The following MDFIC variants were observed in gnomAD, a reference collection of about 807,000 sequenced individuals.
MDFIC encodes the protein myoD family inhibitor domain-containing protein.
A neutral mutation model predicts 23.2 loss-of-function variants in MDFIC; 17 were observed. The ratio of observed to expected loss-of-function variants is 0.73; its 90% confidence interval spans 0.50 to 1.10. MDFIC has a LOEUF of 1.10. Among genes scored for constraint, MDFIC ranks in the 50% least tolerant of loss-of-function variants. The probability of loss-of-function intolerance (pLI) is 0.00; values close to 1 mark genes in which losing one functional copy is unlikely to be tolerated. For missense variants in MDFIC, 356 were observed against 316.6 expected (o/e 1.12, Z -0.95); for synonymous variants, 120 against 115.2 (o/e 1.04, Z -0.27).
In MDFIC at chr7:114,922,435, G is replaced by T; in HGVS notation, c.-309G>T. 1 of 1,241,990 alleles carries T rather than the reference G, an allele frequency of 8.1e-7. No individual in the cohort carries two copies. Among genetic ancestry groups the T allele is most frequent in the East Asian group, 3.2e-5 (1 of 31,700 alleles). The allele number at this position is 1,241,990 out of a possible 1,614,324, so 76.9% of individuals were successfully genotyped here. ...GGGCGGAGTGCGCGGAGTCAGAGCC[G>T]CCACCGCTGCCGCAGTTGCCGCCAC... On this transcript the variant is annotated 5_prime_UTR_variant, in exon 1 of 5. Transcript: ENST00000393486.
At chr7:114,924,006 AT>A (rs1005291016) in intron 2 of MDFIC, among the ~76,000 whole-genome samples, 65 of 152,218 alleles carry the variant, frequency 4.3e-4, no homozygotes, top group African/African-American at 1.4e-3. Flanking sequence ...AATCTTAGGG[AT>A]TTTTTTTAAG....
chr7:114,982,147 G>A (rs1793428253), intron 4 of MDFIC, among the ~76,000 whole-genome samples: 1 of 152,146 alleles, frequency 6.6e-6, no homozygotes, highest in Non-Finnish European at 1.5e-5. Context: ...TATAGAATAT[G>A]TGATCTCTTG....
chr7:114,925,540 T>C (rs1792172731), intron 2 of MDFIC, among the ~76,000 whole-genome samples: 1 of 152,186 alleles, frequency 6.6e-6, no homozygotes, highest in African/African-American at 2.4e-5. Context: ...TTACAAATCT[T>C]TCCCATGTGT....
intron 3 of MDFIC, among the ~76,000 whole-genome samples, chr7:114,977,303 G>A (rs555233989): frequency 2.0e-5 from 3 of 152,166 alleles, no homozygotes; most frequent in African/African-American, 7.2e-5. Flanking sequence ...AAATTTATTA[G>A]CAGCACATAG....
chr7:114,985,442 A>G (rs943599326), intron 4 of MDFIC, among the ~76,000 whole-genome samples: 9 of 152,106 alleles, frequency 5.9e-5, no homozygotes, highest in Non-Finnish European at 1.2e-4. Context: ...ATTCAAGGCC[A>G]AAGGATTTTG....
Position 115,015,908 on chromosome 7 carries a change from A to G in MDFIC, c.714A>G (p.Glu238=), listed in dbSNP as rs962674968. Residue 238 remains glutamate (E), a synonymous_variant, in exon 5 of 5, where the codon GAA becomes GAG. Transcript: ENST00000393486. Reference sequence around the variant, plus strand: ...CAGACTGCTTGGAAATCTGTATGGAATGCTGTGGAATTTGTTTTCCTTCAT... The same window carrying G: ...CAGACTGCTTGGAAATCTGTATGGAGTGCTGTGGAATTTGTTTTCCTTCAT... ...ESSDCLEICM[E]CCGICFPS The G allele has an allele frequency of 5.0e-6, 8 of 1,613,210 alleles. No homozygotes were observed. The highest frequency in any genetic ancestry group is 6.8e-6 in the Non-Finnish European group (8 of 1,179,394).
chr7:114,933,415 T>G (rs1345300158), intron 2 of MDFIC, among the ~76,000 whole-genome samples: 1 of 152,144 alleles, frequency 6.6e-6, no homozygotes, highest in African/African-American at 2.4e-5. Context: ...TGGGCCACCA[T>G]GCCCAGCTAA....
chr7:114,925,701 A>G (rs1792177393), intron 2 of MDFIC, among the ~76,000 whole-genome samples: 1 of 152,152 alleles, frequency 6.6e-6, no homozygotes, highest in Non-Finnish European at 1.5e-5. Flanking sequence ...AGTTTTAGCT[A>G]ATTGTTGCCA....
chr7:114,950,914 C>T (rs1792756495), intron 3 of MDFIC, among the ~76,000 whole-genome samples: 1 of 152,096 alleles, frequency 6.6e-6, no homozygotes, highest in Non-Finnish European at 1.5e-5. Flanking sequence ...TGGCTCACAC[C>T]TGTAATCCCA....
intron 4 of MDFIC, among the ~76,000 whole-genome samples, chr7:115,001,587 C>T (rs1248599547): frequency 6.6e-6 from 1 of 152,068 alleles, no homozygotes; most frequent in African/African-American, 2.4e-5. Context: ...AACCAAAAGC[C>T]ATCATTACCT....
intron 3 of MDFIC, among the ~76,000 whole-genome samples, chr7:114,947,331 TTC>T (rs1488065742): frequency 3.3e-5 from 5 of 152,158 alleles, no homozygotes; most frequent in Non-Finnish European, 7.4e-5. Flanking sequence ...CTCAGAAAAA[TTC>T]TCTTTTTATT....
chr7:114,922,723 C>T (rs1345142546), intron 1 of MDFIC, 87 bp downstream of exon 1: 2 of 1,359,610 alleles, frequency 1.5e-6, no homozygotes, highest in Non-Finnish European at 1.9e-6. Context: ...TTTCCAGCCC[C>T]TCCCCGCTGG....
At chr7:114,994,277 C>CAAGACCCAATACAAG (rs757809803) in intron 4 of MDFIC, among the ~76,000 whole-genome samples, 3,863 of 152,250 alleles carry the variant, frequency 0.025, 74 homozygotes, top group Non-Finnish European at 0.04. Context: ...GAATACAACA[C>CAAGACCCAATACAAG]ACTGTTGGGT....
Position 115,017,862 on chromosome 7 carries a change from A to G in MDFIC, c.*1927A>G, listed in dbSNP as rs1246242115. On this transcript the variant is annotated 3_prime_UTR_variant, in exon 5 of 5. Transcript: ENST00000393486. ...ATAGTAACAACAGAAGCATAATTTT[A>G]GGAAGGCTTTCGCAAACCTAGCCTT... The G allele has an allele frequency of 6.6e-6, 1 of 152,066 alleles. No individual in the cohort carries two copies. Among genetic ancestry groups the G allele is most frequent in the Non-Finnish European group, 1.5e-5 (1 of 67,898 alleles). The allele number at this position is 152,066 out of a possible 1,614,324, so 9.4% of individuals were successfully genotyped here.
chr7:114,971,258 G>A (rs1001580317), intron 3 of MDFIC, among the ~76,000 whole-genome samples: 6 of 152,144 alleles, frequency 3.9e-5, no homozygotes, highest in African/African-American at 7.2e-5. Context: ...ATTAACTGCT[G>A]ATTTTTCAGG....
intron 2 of MDFIC, among the ~76,000 whole-genome samples, chr7:114,928,812 AGT>A (rs1463823811): frequency 1.3e-5 from 2 of 152,202 alleles, no homozygotes; most frequent in African/African-American, 2.4e-5. Flanking sequence ...GAGTGGAGGC[AGT>A]GATTATAATA....
At chr7:114,966,484 C>T (rs1793098643) in intron 3 of MDFIC, among the ~76,000 whole-genome samples, 1 of 150,448 alleles carries the variant, frequency 6.6e-6, no homozygotes, top group African/African-American at 2.4e-5. Context: ...ATCTTCAAGA[C>T]AAAATCACCA....
At chr7:115,008,609 G>A (rs191487771) in intron 4 of MDFIC, among the ~76,000 whole-genome samples, 66 of 152,234 alleles carry the variant, frequency 4.3e-4, no homozygotes, top group Admixed American at 1.8e-3. Flanking sequence ...AGTGCTGTGC[G>A]TCCTCTGTCT....
At chr7:115,009,059 T>A (rs1458316849) in intron 4 of MDFIC, among the ~76,000 whole-genome samples, 1 of 152,230 alleles carries the variant, frequency 6.6e-6, no homozygotes, top group Non-Finnish European at 1.5e-5. Flanking sequence ...TAACTCTTAT[T>A]GTTCATGCTT....
Sources: gnomAD v4.1 joint callset for allele counts (sites outside exome capture counted in the v4.1 genomes callset) on GRCh38, gnomAD v4.1.1 for gene constraint, MANE v1.5 for transcripts, NCBI Gene and HGNC (gene_info 2026-07-23, HGNC 2026-07-21) for gene names.